Variants in RPTOR observed in about 807,000 individuals in gnomAD.
The protein encoded by RPTOR is regulatory-associated protein of mTOR.
RPTOR carries 21 observed loss-of-function variants against 169.9 expected under a neutral mutation model. The observed-to-expected ratio is 0.12, with a 90% CI of 0.09 to 0.18. The LOEUF (loss-of-function observed/expected upper bound fraction) is 0.18. Among genes scored for constraint, RPTOR ranks in the 10% least tolerant of loss-of-function variants. RPTOR has a pLI of 1.00. For missense variants in RPTOR, 1,133 were observed against 1,855.9 expected, an observed-to-expected ratio of 0.61 and a Z score of 7.16; for synonymous variants, 732 against 753.2, an observed-to-expected ratio of 0.97 and a Z score of 0.46.
At chr17:80,656,231 C>T (rs746860017) in intron 3 of RPTOR, among the ~76,000 whole-genome samples, 20 of 152,168 alleles carry the variant, frequency 1.3e-4, no homozygotes, top group Admixed American at 3.3e-4. Context: ...CCACCACACC[C>T]GGCTAATTTT....
intron 6 of RPTOR, among the ~76,000 whole-genome samples, chr17:80,760,954 T>C (rs1598286884): frequency 6.6e-6 from 1 of 152,242 alleles, no homozygotes; most frequent in African/African-American, 2.4e-5. Flanking sequence ...TGAATCTTAT[T>C]TGATGATGAA....
intron 7 of RPTOR, among the ~76,000 whole-genome samples, chr17:80,807,276 G>C (rs953727459): frequency 6.6e-6 from 1 of 152,032 alleles, no homozygotes; most frequent in Admixed American, 6.6e-5. Flanking sequence ...GATATATTTG[G>C]GTTTAAGTCT....
rs376733147 is a variant in RPTOR at position 80,940,516 on chromosome 17, G to A, written c.2940G>A (p.Leu980=). The A allele has an allele frequency of 2.3e-5, 37 of 1,613,674 alleles. No individual in the cohort carries two copies. Among genetic ancestry groups the A allele is most frequent in the South Asian group, 1.8e-4 (16 of 90,976 alleles). ...TGAAGATCCCAGAAGAGCACGACCTGGAGAGTCAGATCCGCAAGGAGCGGG... is the reference window on the plus strand; with the variant it reads ...TGAAGATCCCAGAAGAGCACGACCTAGAGAGTCAGATCCGCAAGGAGCGGG... The part of the protein sequence containing the change: ...PVMKIPEEHD[L]ESQIRKEREW... Residue 980 remains leucine (L), a synonymous_variant, in exon 25 of 34, where the codon CTG becomes CTA. Coordinates refer to ENST00000306801, the MANE Select transcript of RPTOR (RefSeq NM_020761.3).
At chr17:80,585,880 T>C (rs1405018600) in intron 1 of RPTOR, among the ~76,000 whole-genome samples, 1 of 152,218 alleles carries the variant, frequency 6.6e-6, no homozygotes, top group Non-Finnish European at 1.5e-5. Flanking sequence ...GTAGTATTTA[T>C]GAAAAATACT....
chr17:80,904,084 G>C (rs563596950), intron 20 of RPTOR, among the ~76,000 whole-genome samples: 4 of 152,218 alleles, frequency 2.6e-5, no homozygotes, highest in African/African-American at 9.6e-5. Context: ...CACCCGGCCC[G>C]GGAGGTGCTG....
At chr17:80,626,714 G>A (rs1390707282) in intron 2 of RPTOR, among the ~76,000 whole-genome samples, 1 of 143,670 alleles carries the variant, frequency 7.0e-6, no homozygotes, top group Non-Finnish European at 1.5e-5. Context: ...CAAGTCCAGA[G>A]ACTGTTTTTT....
At chr17:80,927,341 G>A (rs2068822679) in intron 24 of RPTOR, among the ~76,000 whole-genome samples, 1 of 152,196 alleles carries the variant, frequency 6.6e-6, no homozygotes, top group Admixed American at 6.5e-5. Context: ...GCTCTTGCTG[G>A]GATGGCAGTG....
At chr17:80,807,228 TTAAAG>T (rs1270721808) in intron 7 of RPTOR, among the ~76,000 whole-genome samples, 1 of 152,260 alleles carries the variant, frequency 6.6e-6, no homozygotes, top group Non-Finnish European at 1.5e-5. Flanking sequence ...TTGGTTTTAA[TTAAAG>T]TATTTAGTTT....
chr17:80,750,770 C>T (rs1430875979), intron 5 of RPTOR, among the ~76,000 whole-genome samples: 1 of 152,024 alleles, frequency 6.6e-6, no homozygotes, highest in Non-Finnish European at 1.5e-5. Context: ...CATGATTTTG[C>T]CTTCCCTCTT....
At chr17:80,821,542 C>T (rs1393439437) in intron 7 of RPTOR, among the ~76,000 whole-genome samples, 1 of 152,170 alleles carries the variant, frequency 6.6e-6, no homozygotes, top group African/African-American at 2.4e-5. Flanking sequence ...CTTGGTGCTG[C>T]CTGCCCCATG....
chr17:80,656,665 GACT>G (rs917626116), intron 3 of RPTOR, among the ~76,000 whole-genome samples: 2 of 152,174 alleles, frequency 1.3e-5, no homozygotes, highest in African/African-American at 4.8e-5. Context: ...AGCCACTTGG[GACT>G]TTTGCCTTTG....
chr17:80,595,718 A>G (rs981435923), intron 1 of RPTOR, among the ~76,000 whole-genome samples: 2 of 152,058 alleles, frequency 1.3e-5, no homozygotes, highest in Non-Finnish European at 2.9e-5. Context: ...CGGCCTCCCA[A>G]AGTGTTGGGA....
In RPTOR at chr17:80,947,094, GGT is replaced by G; in HGVS notation, c.3141-129_3141-128del. 1 of 829,420 alleles carries G rather than the reference GGT, an allele frequency of 1.2e-6. No individual in the cohort carries two copies. The highest frequency in any genetic ancestry group is 1.8e-6 in the Non-Finnish European group (1 of 567,064). 51.4% of individuals were successfully genotyped at this position (829,420 alleles called of 1,614,324 possible). A position where few individuals can be genotyped will look rare whatever the true frequency, so the allele number is the denominator to read the frequency against. On this transcript the variant is annotated intron_variant, in intron 26 of 33. Transcript: ENST00000306801. The surrounding 1 kb of genome is among the most constrained non-coding windows in gnomAD (Gnocchi z 4.4). ...AGCCTCCCAAGTAGCTAGGATGACA[GGT>G]GTGAGCCGCCGTGCCCGGCTGTGGT... is the stretch of plus-strand genomic sequence containing the variant.
At position 80,816,519 on chromosome 17, in the gene RPTOR, C is replaced by G. The variant is rs115455070; in HGVS notation, c.891-5682C>G. ...CCGAGGGTGAAGGGAAGCGCCTTGT[C>G]GTGAGACCTGGAAGGAGCAGGGCTG... On this transcript the variant is annotated intron_variant, in intron 7 of 33. Coordinates refer to ENST00000306801, the MANE Select transcript of RPTOR (RefSeq NM_020761.3). 9.7e-3 allele frequency among the ~76,000 whole-genome samples: 1,480 copies of G among 152,304 alleles called. 25 individuals are homozygous for G. The highest frequency in any genetic ancestry group is 0.034 in the African/African-American group (1,420 of 41,562).
chr17:80,956,502 G>A (rs1355168674), intron 28 of RPTOR, among the ~76,000 whole-genome samples: 1 of 152,256 alleles, frequency 6.6e-6, no homozygotes, highest in Non-Finnish European at 1.5e-5. Flanking sequence ...GAAGGCTGCC[G>A]GCCCGTGGCC....
intron 21 of RPTOR, among the ~76,000 whole-genome samples, chr17:80,916,115 A>G (rs973069109): frequency 1.3e-5 from 2 of 152,186 alleles, no homozygotes; most frequent in South Asian, 2.1e-4. Context: ...CAGGGCTACA[A>G]GAGCTCTAAC....
chr17:80,884,674 C>T (rs2068223872), intron 16 of RPTOR, among the ~76,000 whole-genome samples: 2 of 152,222 alleles, frequency 1.3e-5, no homozygotes, highest in African/African-American at 4.8e-5. Context: ...TTTCCACCCT[C>T]CCACGCTCTG....
chr17:80,829,852 C>T (rs1382156174), intron 9 of RPTOR, among the ~76,000 whole-genome samples: 1 of 152,158 alleles, frequency 6.6e-6, no homozygotes, highest in Admixed American at 6.5e-5. Flanking sequence ...TTAAAGGGTT[C>T]TTTGTACAGA....
rs530986041 is a variant in RPTOR at position 80,860,858 on chromosome 17, G to A, written c.1509+2958G>A. On this transcript the variant is annotated intron_variant, in intron 13 of 33. Transcript: ENST00000306801. This position sits in a 1 kb window ranked among gnomAD's most constrained non-coding sequence, Gnocchi z 5.8. ...ACCATGGCTCTGCTGGCACGGGTCG[G>A]CTACCGTGCTTGCCATCTCTCCCAG... Among the ~76,000 whole-genome samples the A allele has an allele frequency of 6.6e-6, 1 of 152,100 alleles. No homozygotes were observed. The highest frequency in any genetic ancestry group is 1.9e-4 in the East Asian group (1 of 5,130).
Sources: allele counts gnomAD v4.1 joint callset (sites outside exome capture counted in the v4.1 genomes callset), GRCh38; gene constraint gnomAD v4.1.1; non-coding constraint Gnocchi (gnomAD v3.1); transcripts MANE v1.5; gene names NCBI Gene and HGNC (gene_info 2026-07-23, HGNC 2026-07-21).